The following ENOSF1 variants were observed in gnomAD, a reference collection of about 807,000 sequenced individuals.
The protein encoded by ENOSF1 is mitochondrial enolase superfamily member 1.
ENOSF1 carries 73 observed loss-of-function variants against 68.2 expected under a neutral mutation model. The observed-to-expected ratio is 1.07, with a 90% CI of 0.89 to 1.30. ENOSF1 has a LOEUF of 1.30. Ranked by LOEUF, ENOSF1 falls within the 50% of genes most tolerant of loss-of-function variation. The probability of loss-of-function intolerance (pLI) is 0.00; values close to 1 mark genes in which losing one functional copy is unlikely to be tolerated. For synonymous variants in ENOSF1, 223 were observed against 210.4 expected (o/e 1.06, Z -0.52); for missense variants, 589 against 554.5 (o/e 1.06, Z -0.62).
chr18:692,813 A>G lies in ENOSF1; in HGVS notation c.423+1069T>C, dbSNP rs539831509. ...CTCAAGAGCTCTGTGTCCTTCCCCT[A>G]CGGATGGCCCGGAAGCCACTCTCCA... On this transcript the variant is annotated intron_variant, in intron 5 of 15. Coordinates refer to ENST00000647584, the MANE Select transcript of ENOSF1 (RefSeq NM_017512.7). 80 of 1,041,668 alleles carry G rather than the reference A, an allele frequency of 7.7e-5. No homozygotes were observed. The Admixed American group carries it at 1.6e-3, about 21-fold the overall frequency. The allele number at this position is 1,041,668 out of a possible 1,614,324, so 64.5% of individuals were successfully genotyped here. A position where few individuals can be genotyped will look rare whatever the true frequency, so the allele number is the denominator to read the frequency against.
chr18:683,200 TAA>T, intron 11 of ENOSF1, 44 bp downstream of exon 11: 1 of 1,610,076 alleles, frequency 6.2e-7, no homozygotes, highest in Non-Finnish European at 8.5e-7. Context: ...TCTGGAAAAC[TAA>T]ACAGAAAAAT....
intron 6 of ENOSF1, 33 bp from the exon 7 acceptor site, chr18:691,139 T>C (rs367843372): frequency 3.1e-6 from 5 of 1,614,094 alleles, no homozygotes; most frequent in East Asian, 4.5e-5. Flanking sequence ...CTCACTCTTT[T>C]AGGAAACAAA....
chr18:695,108 T>C (rs1177652404), intron 3 of ENOSF1, among the ~76,000 whole-genome samples: 2 of 152,236 alleles, frequency 1.3e-5, no homozygotes, highest in Admixed American at 1.3e-4. Flanking sequence ...CCATATCCCA[T>C]CTGGGATCAC....
At position 672,689 on chromosome 18, in the gene ENOSF1, T is replaced by C; in HGVS notation, c.*1616A>G. 1 of 595,964 alleles carries C rather than the reference T, an allele frequency of 1.7e-6. No homozygotes were observed. The highest frequency in any genetic ancestry group is 2.8e-6 in the Non-Finnish European group (1 of 359,974). The allele number at this position is 595,964 out of a possible 1,614,324, so 36.9% of individuals were successfully genotyped here. A position where few individuals can be genotyped will look rare whatever the true frequency, so the allele number is the denominator to read the frequency against. On this transcript the variant is annotated 3_prime_UTR_variant, in exon 16 of 16. Transcript: ENST00000647584. ...CTCTCGATCTGTGCAAGAGAACAGC[T>C]GGTTGCGCTCCAATCATGTTACATA...
chr18:666,902 GA>G (rs1244082903), downstream of ENOSF1, among the ~76,000 whole-genome samples: 1 of 56,382 alleles, frequency 1.8e-5, no homozygotes, highest in Admixed American at 1.9e-4. Flanking sequence ...GATGGTGATG[GA>G]GATGGTGATG....
chr18:704,603 A>T (rs1598793647), intron 2 of ENOSF1, among the ~76,000 whole-genome samples: 2 of 126,726 alleles, frequency 1.6e-5, no homozygotes, highest in Non-Finnish European at 3.2e-5. Context: ...TGTCTTCTGT[A>T]TCTTTTTTCT....
Position 671,334 on chromosome 18 carries a change from G to A in ENOSF1, c.*2971C>T. On this transcript the variant is annotated 3_prime_UTR_variant, in exon 16 of 16. Transcript: ENST00000647584. ...TAATGTTTTTAAATGATGTTTTAAA[G>A]AATTGAAACTAACATACTGTTCTGC... 1 of 1,225,978 alleles carries A rather than the reference G, an allele frequency of 8.2e-7. No homozygotes were observed. Among genetic ancestry groups the A allele is most frequent in the Non-Finnish European group, 1.2e-6 (1 of 826,382 alleles). The allele number at this position is 1,225,978 out of a possible 1,614,324, so 75.9% of individuals were successfully genotyped here.
intron 2 of ENOSF1, among the ~76,000 whole-genome samples, chr18:704,749 C>T (rs2078754615): frequency 6.6e-6 from 1 of 151,834 alleles, no homozygotes; most frequent in South Asian, 2.1e-4. Flanking sequence ...GAGATTACAG[C>T]CATGCATCAC....
chr18:694,116 G>T, intron 4 of ENOSF1, 132 bp downstream of exon 4: 1 of 1,121,976 alleles, frequency 8.9e-7, no homozygotes, highest in Non-Finnish European at 1.3e-6. Context: ...TCTCAGAGGA[G>T]AAAAAAACAC....
Position 673,916 on chromosome 18 carries a change from T to C in ENOSF1, c.*389A>G, listed in dbSNP as rs1051246411. On this transcript the variant is annotated 3_prime_UTR_variant, in exon 16 of 16. Transcript: ENST00000647584. ...CGTTGCATACCAGATACCCCCGGTG[T>C]TGCACGACTATTTTTATTCTGCTAA... The C allele has an allele frequency of 9.6e-5, 15 of 156,288 alleles. No individual in the cohort carries two copies. In the East Asian group the frequency reaches 2.6e-3, roughly 27 times the overall value. 9.7% of individuals were successfully genotyped at this position (156,288 alleles called of 1,614,324 possible). A position where few individuals can be genotyped will look rare whatever the true frequency, so the allele number is the denominator to read the frequency against.
downstream of ENOSF1, chr18:669,225 A>C (rs770424643): frequency 2.0e-6 from 3 of 1,537,064 alleles, no homozygotes; most frequent in Non-Finnish European, 2.7e-6. Flanking sequence ...CTTAGAGGGA[A>C]GCAATCTGGT....
At chr18:692,884 G>A in intron 5 of ENOSF1, 3 of 1,106,476 alleles carry the variant, frequency 2.7e-6, no homozygotes, top group Admixed American at 4.3e-5. Flanking sequence ...TTCCTCCGGA[G>A]GAGGAGCAGT....
chr18:693,931 T>C lies in ENOSF1; in HGVS notation c.397-23A>G, dbSNP rs138786139. 17 of 1,613,716 alleles carry C rather than the reference T, an allele frequency of 1.1e-5. No homozygotes were observed. In the East Asian group the frequency reaches 1.1e-4, roughly 11 times the overall value. ...AGGCTTGAAGTAAAAAAGAAAGGAT[T>C]TGTAAGACATATGTGTAAAGTCCCC... On this transcript the variant is annotated intron_variant, in intron 4 of 15. Coordinates refer to ENST00000647584, the MANE Select transcript of ENOSF1 (RefSeq NM_017512.7).
chr18:678,048 G>C (rs1223128415), intron 12 of ENOSF1, 176 bp from the exon 13 acceptor site: 2 of 664,602 alleles, frequency 3.0e-6, no homozygotes, highest in Admixed American at 3.4e-5. Context: ...TTATAGCGTG[G>C]GCAGGGACCT....
intron 2 of ENOSF1, among the ~76,000 whole-genome samples, chr18:705,786 A>T (rs1393422495): frequency 1.3e-5 from 2 of 151,862 alleles, no homozygotes; most frequent in African/African-American, 4.9e-5. Context: ...AGACAGGCGG[A>T]TCATTTGAGG....
At position 681,388 on chromosome 18, in the gene ENOSF1, GGGAGGGTTAGAGCCCTGA is replaced by G. The variant is rs1480801052; in HGVS notation, c.876+1840_876+1857del. Among the ~76,000 whole-genome samples the G allele has an allele frequency of 3.3e-5, 5 of 152,192 alleles. No homozygotes were observed. The East Asian group carries it at 9.6e-4, about 29-fold the overall frequency. ...GGCCTCCCTCATGTAAGCAAAACCT[GGGAGGGTTAGAGCCCTGA>G]GGAGCTTCCTGTGAGATGCTCAGGT... On this transcript the variant is annotated intron_variant, in intron 11 of 15. Transcript: ENST00000647584.
At chr18:682,639 C>T (rs749257355) in intron 11 of ENOSF1, among the ~76,000 whole-genome samples, 12 of 143,544 alleles carry the variant, frequency 8.4e-5, no homozygotes, top group Non-Finnish European at 1.5e-4. Context: ...GAGGCCAAGG[C>T]GGGCAGATGG....
rs1488239250 is a variant in ENOSF1 at position 672,671 on chromosome 18, T to A, written c.*1634A>T. On this transcript the variant is annotated 3_prime_UTR_variant, in exon 16 of 16. Coordinates refer to ENST00000647584, the MANE Select transcript of ENOSF1 (RefSeq NM_017512.7). ...GTCACAAAATACCCCTCACTCTCGA[T>A]CTGTGCAAGAGAACAGCTGGTTGCG... 1 of 486,706 alleles carries A rather than the reference T, an allele frequency of 2.1e-6. No individual in the cohort carries two copies. Among genetic ancestry groups the A allele is most frequent in the East Asian group, 3.1e-5 (1 of 32,696 alleles). 30.1% of individuals were successfully genotyped at this position (486,706 alleles called of 1,614,324 possible).
intron 11 of ENOSF1, among the ~76,000 whole-genome samples, chr18:679,000 C>T (rs1214849555): frequency 1.3e-5 from 2 of 152,272 alleles, no homozygotes; most frequent in African/African-American, 2.4e-5. Flanking sequence ...TGCGGTGTCC[C>T]GGCCCATGCT....
Sources: allele counts gnomAD v4.1 joint callset (sites outside exome capture counted in the v4.1 genomes callset), GRCh38; gene constraint gnomAD v4.1.1; transcripts MANE v1.5; gene names NCBI Gene and HGNC (gene_info 2026-07-23, HGNC 2026-07-21).